The following GRIN3A variants were observed in gnomAD, a reference collection of about 807,000 sequenced individuals.
GRIN3A encodes the protein glutamate receptor ionotropic, NMDA 3A.
A neutral mutation model predicts 92.4 loss-of-function variants in GRIN3A; 47 were observed. The observed-to-expected ratio is 0.51, with a 90% CI of 0.40 to 0.65. GRIN3A has a LOEUF of 0.65. Ranked by LOEUF, GRIN3A falls within the 30% of genes least tolerant of loss-of-function variation. GRIN3A has a pLI of 0.00. For missense variants in GRIN3A, 1,324 were observed against 1,393.1 expected (o/e 0.95, Z 0.79); for synonymous variants, 527 against 540.6 (o/e 0.97, Z 0.35).
intron 1 of GRIN3A, among the ~76,000 whole-genome samples, chr9:101,717,232 A>AT (rs575229309): frequency 7.3e-4 from 111 of 151,752 alleles, no homozygotes; most frequent in Admixed American, 2.1e-3. Context: ...ACCAAATGTG[A>AT]TTTTTTTTTC....
chr9:101,682,845 G>A (rs931003276), intron 2 of GRIN3A, among the ~76,000 whole-genome samples: 1 of 152,178 alleles, frequency 6.6e-6, no homozygotes, highest in Non-Finnish European at 1.5e-5. Flanking sequence ...AGCCAGGCGT[G>A]GTGGCGGGCG....
At chr9:101,610,660 G>C (rs1828353280) in intron 6 of GRIN3A, among the ~76,000 whole-genome samples, 1 of 150,764 alleles carries the variant, frequency 6.6e-6, no homozygotes, top group South Asian at 2.1e-4. Flanking sequence ...TTATCATCTA[G>C]ATGTCTATCA....
In GRIN3A at chr9:101,737,988, C is replaced by G; in HGVS notation, c.-9G>C. 2 of 1,531,966 alleles carry G rather than the reference C, an allele frequency of 1.3e-6. No individual in the cohort carries two copies. Among genetic ancestry groups the G allele is most frequent in the Non-Finnish European group, 1.7e-6 (2 of 1,144,880 alleles). 94.9% of individuals were successfully genotyped at this position (1,531,966 alleles called of 1,614,324 possible). On this transcript the variant is annotated 5_prime_UTR_variant, in exon 1 of 9. Coordinates refer to ENST00000361820, the MANE Select transcript of GRIN3A (RefSeq NM_133445.3). Reference sequence around the variant, plus strand: ...AAACTCAGTCTCCTCATTACTGAGACCCGCAGGGAGAAAGCGCGCCCCCTC... The same window carrying G: ...AAACTCAGTCTCCTCATTACTGAGAGCCGCAGGGAGAAAGCGCGCCCCCTC...
intron 2 of GRIN3A, among the ~76,000 whole-genome samples, chr9:101,674,825 A>G (rs1829373183): frequency 6.6e-6 from 1 of 152,078 alleles, no homozygotes; most frequent in Non-Finnish European, 1.5e-5. Context: ...AGTAAGCATA[A>G]TAATCGGATT....
chr9:101,703,094 CACAG>C (rs1829774710), intron 1 of GRIN3A, among the ~76,000 whole-genome samples: 2 of 152,204 alleles, frequency 1.3e-5, no homozygotes, highest in African/African-American at 4.8e-5. Context: ...TAGTTTGACA[CACAG>C]ACAGCAGGCA....
intron 2 of GRIN3A, 103 bp from the exon 3 acceptor site, chr9:101,671,210 A>C (rs1034198504): frequency 1.3e-5 from 11 of 836,788 alleles, no homozygotes; most frequent in Admixed American, 3.7e-5. Flanking sequence ...ATAAATTCGA[A>C]TTTTTATTTA....
rs536780165 is a variant in GRIN3A at position 101,606,906 on chromosome 9, A to ATTTTTTTT, written c.2766+6462_2766+6469dup. ...CACTTGGGGAGTTGAAAAAAATTAC[A>ATTTTTTTT]TTTTTTTTTTTTTTTTTTTTTTTTG... On this transcript the variant is annotated intron_variant, in intron 6 of 8. Transcript: ENST00000361820. Among the ~76,000 whole-genome samples, 204 of 86,194 alleles carry ATTTTTTTT rather than the reference A, an allele frequency of 2.4e-3. 2 individuals are homozygous for ATTTTTTTT. Among genetic ancestry groups the ATTTTTTTT allele is most frequent in the African/African-American group, 3.9e-3 (85 of 21,648 alleles). The allele number at this position is 86,194 out of a possible 152,430, so 56.5% of individuals were successfully genotyped here.
chr9:101,579,652 G>A (rs182475509), intron 6 of GRIN3A, among the ~76,000 whole-genome samples: 48 of 152,266 alleles, frequency 3.2e-4, no homozygotes, highest in African/African-American at 1.1e-3. Context: ...TGGGGACCCC[G>A]AAGAAACCTT....
rs116673546 is a variant in GRIN3A at position 101,665,703 on chromosome 9, T to C, written c.2352+4357A>G. ...AAATGTCCCAAAAGAACCACAGAGA[T>C]CTATGACTTCTCCATAGGCACTAAA... On this transcript the variant is annotated intron_variant, in intron 3 of 8. Transcript: ENST00000361820. Among the ~76,000 whole-genome samples the C allele has an allele frequency of 5.8e-3, 875 of 151,974 alleles. 9 individuals carry two copies. The highest frequency in any genetic ancestry group is 0.02 in the African/African-American group (842 of 41,472).
intron 4 of GRIN3A, among the ~76,000 whole-genome samples, chr9:101,626,330 A>C (rs1425909407): frequency 1.3e-5 from 2 of 152,222 alleles, no homozygotes; most frequent in East Asian, 3.9e-4. Flanking sequence ...CTGAGAGAGC[A>C]GAATTAAGTC....
At chr9:101,725,194 G>A (rs1030653665) in intron 1 of GRIN3A, among the ~76,000 whole-genome samples, 1 of 152,292 alleles carries the variant, frequency 6.6e-6, no homozygotes, top group Admixed American at 6.5e-5. Context: ...TAGTAAAATG[G>A]TTTTTGAGCA....
At chr9:101,633,858 G>A (rs1828744960) in intron 3 of GRIN3A, among the ~76,000 whole-genome samples, 1 of 152,044 alleles carries the variant, frequency 6.6e-6, no homozygotes, top group Non-Finnish European at 1.5e-5. Flanking sequence ...TCTTCAAAAT[G>A]TAGATTCCAA....
At chr9:101,712,890 G>T (rs1032046186) in intron 1 of GRIN3A, among the ~76,000 whole-genome samples, 2 of 152,140 alleles carry the variant, frequency 1.3e-5, no homozygotes, top group Non-Finnish European at 2.9e-5. Context: ...CAATGAGACA[G>T]ATCCTATTAT....
At chr9:101,630,427 G>T (rs1828695905) in intron 3 of GRIN3A, among the ~76,000 whole-genome samples, 2 of 152,162 alleles carry the variant, frequency 1.3e-5, no homozygotes, top group Non-Finnish European at 2.9e-5. Context: ...ACCTTTCCGT[G>T]CATTATCTCC....
chr9:101,724,377 C>CCAGGGCCGG (rs1040481741), intron 1 of GRIN3A, among the ~76,000 whole-genome samples: 3 of 152,176 alleles, frequency 2.0e-5, no homozygotes, highest in African/African-American at 4.8e-5. Context: ...CCCTCATTGC[C>CCAGGGCCGG]CAGGGCCGGC....
intron 3 of GRIN3A, among the ~76,000 whole-genome samples, chr9:101,659,953 C>T (rs769791115): frequency 5.9e-5 from 9 of 151,842 alleles, no homozygotes; most frequent in Non-Finnish European, 8.8e-5. Context: ...ACTTATCAAT[C>T]TGAACTAGCA....
chr9:101,693,987 T>C (rs1235167515), intron 1 of GRIN3A, among the ~76,000 whole-genome samples: 1 of 152,156 alleles, frequency 6.6e-6, no homozygotes, highest in East Asian at 1.9e-4. Flanking sequence ...CTCTCAGGAT[T>C]TTTGAGTGGC....
chr9:101,688,247 A>C (rs1269956534), intron 1 of GRIN3A, among the ~76,000 whole-genome samples: 2 of 152,210 alleles, frequency 1.3e-5, no homozygotes, highest in African/African-American at 2.4e-5. Flanking sequence ...GTACCAAAAA[A>C]TGTGTAACAG....
rs1247026427 is a variant in GRIN3A at position 101,687,017 on chromosome 9, T to C, written c.883A>G (p.Ile295Val). ...NNSKFHLGSI[I>V]NITANLPSTQ... Reference sequence around the variant, plus strand: ...GAGGGGAGGTTAGCGGTGATGTTGATGATAGAACCAAGGTGGAACTTGGAA... The same window carrying C: ...GAGGGGAGGTTAGCGGTGATGTTGACGATAGAACCAAGGTGGAACTTGGAA... Residue 295 changes from isoleucine to valine, a missense_variant, in exon 2 of 9, where the codon ATC becomes GTC. Physicochemically the swap from Ile to Val is conservative, Grantham distance 29. Transcript: ENST00000361820. 6.8e-6 allele frequency: 11 copies of C among 1,613,992 alleles called. No individual in the cohort carries two copies. In the Admixed American group the frequency reaches 1.0e-4, roughly 15 times the overall value.
Sources: allele counts gnomAD v4.1 joint callset (sites outside exome capture counted in the v4.1 genomes callset), GRCh38; gene constraint gnomAD v4.1.1; transcripts MANE v1.5; gene names NCBI Gene and HGNC (gene_info 2026-07-23, HGNC 2026-07-21).